Variants in MSI2 observed in about 807,000 individuals in gnomAD.
MSI2 encodes the protein musashi RNA binding protein 2, also known as RNA-binding protein Musashi homolog 2.
A neutral mutation model predicts 45.6 loss-of-function variants in MSI2; 17 were observed. That is an observed-to-expected ratio of 0.37 (90% CI 0.26 to 0.56). MSI2 has a LOEUF of 0.56. Ranked by LOEUF, MSI2 falls within the 20% of genes least tolerant of loss-of-function variation. The probability of loss-of-function intolerance (pLI) is 0.77; values close to 1 mark genes in which losing one functional copy is unlikely to be tolerated. For synonymous variants in MSI2, 156 were observed against 158.2 expected (o/e 0.99, Z 0.11); for missense variants, 293 against 444.2 (o/e 0.66, Z 3.06).
chr17:57,533,770 G>A (rs1050681766), intron 7 of MSI2, among the ~76,000 whole-genome samples: 4 of 152,312 alleles, frequency 2.6e-5, no homozygotes, highest in Non-Finnish European at 4.4e-5. Flanking sequence ...TGGGGTGGGA[G>A]TGCCATCCTT....
intron 7 of MSI2, among the ~76,000 whole-genome samples, chr17:57,551,244 G>C (rs76883371): frequency 0.021 from 3,128 of 152,206 alleles, 154 homozygotes; most frequent in Admixed American, 0.12. Context: ...TTATGTCTCA[G>C]ACTAAATAAG....
chr17:57,505,411 G>A (rs938725973), intron 6 of MSI2, among the ~76,000 whole-genome samples: 7 of 152,114 alleles, frequency 4.6e-5, no homozygotes, highest in Non-Finnish European at 8.8e-5. Context: ...CCCAGAGAAA[G>A]CATGGACATA....
chr17:57,642,079 A>G (rs553936652), intron 10 of MSI2, among the ~76,000 whole-genome samples: 2 of 152,356 alleles, frequency 1.3e-5, no homozygotes, highest in South Asian at 2.1e-4. Context: ...GGTCAGGCCA[A>G]TGATGCCTGA....
chr17:57,423,612 G>C (rs1017254770), intron 6 of MSI2, among the ~76,000 whole-genome samples: 3 of 152,174 alleles, frequency 2.0e-5, no homozygotes, highest in Non-Finnish European at 4.4e-5. Context: ...GTCAGGTTAA[G>C]TCCAGCATAA....
At chr17:57,288,093 TTC>T (rs1451714755) in intron 5 of MSI2, among the ~76,000 whole-genome samples, 4 of 152,154 alleles carry the variant, frequency 2.6e-5, no homozygotes, top group African/African-American at 9.7e-5. Flanking sequence ...TTGGAGACAG[TTC>T]TGGGATTGAA....
chr17:57,621,932 G>A (rs1392212147), intron 9 of MSI2, among the ~76,000 whole-genome samples: 1 of 152,204 alleles, frequency 6.6e-6, no homozygotes, highest in African/African-American at 2.4e-5. Context: ...GCAGGTCAGT[G>A]CAGTGGCTCA....
At position 57,552,490 on chromosome 17, in the gene MSI2, C is replaced by G. The variant is rs2087330719; in HGVS notation, c.454+22766C>G. ...AGTAGCAGGGCCAGACGCTAGGTGT[C>G]GCCGTCCTGGACCTGCCTCCATCCC... On this transcript the variant is annotated intron_variant, in intron 7 of 13. Transcript: ENST00000284073. This position sits in a 1 kb window ranked among gnomAD's most constrained non-coding sequence, Gnocchi z 4.3. 6.6e-6 allele frequency among the ~76,000 whole-genome samples: 1 copy of G among 152,176 alleles called. No homozygotes were observed. The highest frequency in any genetic ancestry group is 1.5e-5 in the Non-Finnish European group (1 of 68,030).
chr17:57,476,968 A>T (rs1019136324), intron 6 of MSI2, among the ~76,000 whole-genome samples: 1 of 152,020 alleles, frequency 6.6e-6, no homozygotes, highest in Non-Finnish European at 1.5e-5. Flanking sequence ...TCTTTTTCCA[A>T]GGCCTCACCC....
chr17:57,561,947 C>T (rs777731373), intron 7 of MSI2, among the ~76,000 whole-genome samples: 45 of 152,014 alleles, frequency 3.0e-4, no homozygotes, highest in Non-Finnish European at 5.4e-4. Context: ...ATTCAAATTC[C>T]GGTTCTTTCT....
chr17:57,504,627 CA>C (rs1567863962), intron 6 of MSI2, among the ~76,000 whole-genome samples: 1 of 152,136 alleles, frequency 6.6e-6, no homozygotes, highest in Non-Finnish European at 1.5e-5. Context: ...GGTTCTGAAG[CA>C]AAGAGAGTTG....
chr17:57,523,422 G>C (rs1316507742), intron 6 of MSI2: 1 of 152,190 alleles, frequency 6.6e-6, no homozygotes, highest in Non-Finnish European at 1.5e-5. Flanking sequence ...CCCTGGATGT[G>C]GTCAGTACCA....
chr17:57,413,854 A>C (rs937308680), intron 6 of MSI2, among the ~76,000 whole-genome samples: 1 of 151,998 alleles, frequency 6.6e-6, no homozygotes, highest in African/African-American at 2.4e-5. Flanking sequence ...GCAGGGAAAC[A>C]GTCATCCTTC....
In MSI2 at chr17:57,556,549, A is replaced by G. The variant is rs186065463; in HGVS notation, c.454+26825A>G. Among the ~76,000 whole-genome samples, 751 of 152,332 alleles carry G rather than the reference A, an allele frequency of 4.9e-3. 7 individuals are homozygous for G. The highest frequency in any genetic ancestry group is 0.014 in the Middle Eastern group (4 of 294). On this transcript the variant is annotated intron_variant, in intron 7 of 13. Coordinates refer to ENST00000284073, the MANE Select transcript of MSI2 (RefSeq NM_138962.4). ...GAGGGAGGTCAGGGCGTCCAGTGAC[A>G]TCACAGCCTCCTGTCACTGGACTCA...
intron 6 of MSI2, among the ~76,000 whole-genome samples, chr17:57,438,539 A>T (rs1256517432): frequency 1.3e-5 from 2 of 152,190 alleles, no homozygotes; most frequent in Non-Finnish European, 2.9e-5. Context: ...CAGAGCACTG[A>T]TAGGGAAAAT....
intron 6 of MSI2, chr17:57,522,203 A>G (rs1393976690): frequency 7.1e-6 from 1 of 141,564 alleles, no homozygotes; most frequent in East Asian, 2.0e-4. Context: ...GAGTTTACAG[A>G]GCATAATGCC....
At chr17:57,584,885 G>C (rs1020478481) in intron 7 of MSI2, among the ~76,000 whole-genome samples, 1 of 151,674 alleles carries the variant, frequency 6.6e-6, no homozygotes, top group African/African-American at 2.4e-5. Flanking sequence ...GCATTGGCAT[G>C]ATCGCGGCTC....
chr17:57,647,753 T>C (rs574586330), intron 10 of MSI2, among the ~76,000 whole-genome samples: 1 of 151,590 alleles, frequency 6.6e-6, no homozygotes, highest in East Asian at 2.0e-4. Flanking sequence ...CAAGCAATTC[T>C]CGTGCCTCCG....
At chr17:57,319,649 G>T (rs938440525) in intron 5 of MSI2, among the ~76,000 whole-genome samples, 8 of 152,108 alleles carry the variant, frequency 5.3e-5, no homozygotes, top group African/African-American at 1.9e-4. Flanking sequence ...GTCTCACTCT[G>T]TTGCCCAGGC....
At chr17:57,495,558 C>G (rs533317331) in intron 6 of MSI2, among the ~76,000 whole-genome samples, 34 of 88,950 alleles carry the variant, frequency 3.8e-4, no homozygotes, top group Non-Finnish European at 2.3e-4. Context: ...AAAAAGAAAG[C>G]TTTACTTGGC....
Sources: allele counts gnomAD v4.1 joint callset (sites outside exome capture counted in the v4.1 genomes callset), GRCh38; gene constraint gnomAD v4.1.1; non-coding constraint Gnocchi (gnomAD v3.1); transcripts MANE v1.5; gene names NCBI Gene and HGNC (gene_info 2026-07-23, HGNC 2026-07-21).